The following PCCA variants were observed in gnomAD, a reference collection of about 807,000 sequenced individuals.
PCCA encodes propionyl-CoA carboxylase subunit alpha.
Under a neutral mutation model 101.3 loss-of-function variants are expected in PCCA, and 74 were observed. That is an observed-to-expected ratio of 0.73 (90% CI 0.61 to 0.89). PCCA has a LOEUF of 0.89. PCCA is among the 40% of genes least tolerant of loss of function. The pLI is 0.00. For synonymous variants in PCCA, 294 were observed against 313.6 expected (o/e 0.94, Z 0.66); for missense variants, 891 against 907.0 (o/e 0.98, Z 0.23).
intron 8 of PCCA, among the ~76,000 whole-genome samples, chr13:100,241,001 T>C (rs2061095901): frequency 6.6e-6 from 1 of 152,184 alleles, no homozygotes; most frequent in Non-Finnish European, 1.5e-5. Flanking sequence ...ATTTCCCTCA[T>C]GATCCTTCCA....
chr13:100,355,202 A>G (rs2073844901), intron 18 of PCCA, among the ~76,000 whole-genome samples: 1 of 152,160 alleles, frequency 6.6e-6, no homozygotes. Flanking sequence ...ATAAGAGAAA[A>G]AAACCACAGG....
intron 22 of PCCA, among the ~76,000 whole-genome samples, chr13:100,520,606 G>C (rs1302941347): frequency 1.6e-5 from 2 of 123,364 alleles, no homozygotes; most frequent in Admixed American, 1.1e-4. Flanking sequence ...CAGCACTCCA[G>C]CCTGGGCGAC....
At chr13:100,288,850 CACTT>C (rs1172469559) in intron 12 of PCCA, among the ~76,000 whole-genome samples, 1 of 151,620 alleles carries the variant, frequency 6.6e-6, no homozygotes, top group Non-Finnish European at 1.5e-5. Flanking sequence ...GTGTCTGTCT[CACTT>C]TCTTTTCCTC....
chr13:100,529,975 T>G, intron 23 of PCCA, 123 bp from the exon 24 acceptor site: 2 of 784,240 alleles, frequency 2.6e-6, no homozygotes, highest in Non-Finnish European at 2.2e-6. Context: ...TGGGGTGGCT[T>G]GTCCCTGTGC....
chr13:100,402,202 A>G (rs1195176574), intron 19 of PCCA, among the ~76,000 whole-genome samples: 1 of 152,092 alleles, frequency 6.6e-6, no homozygotes, highest in African/African-American at 2.4e-5. Flanking sequence ...TTGACTTAAA[A>G]GTTGCTTTAT....
intron 4 of PCCA, among the ~76,000 whole-genome samples, chr13:100,138,899 C>G (rs139575692): frequency 1.4e-3 from 189 of 137,432 alleles, no homozygotes; most frequent in African/African-American, 5.1e-3. Context: ...CACACCACTG[C>G]ACTCCAGCCT....
chr13:100,464,999 C>T (rs1329604348), intron 21 of PCCA, among the ~76,000 whole-genome samples: 1 of 152,132 alleles, frequency 6.6e-6, no homozygotes, highest in African/African-American at 2.4e-5. Context: ...TCTCTTGTAC[C>T]TATGAATTAT....
At chr13:100,328,376 TA>T (rs1374702347) in intron 16 of PCCA, among the ~76,000 whole-genome samples, 13 of 14,994 alleles carry the variant, frequency 8.7e-4, no homozygotes, top group Non-Finnish European at 2.0e-3. Flanking sequence ...AAATATATAA[TA>T]ATAATAATAA....
In PCCA at chr13:100,161,731, T is replaced by C. The variant is rs146692632; in HGVS notation, c.468+4391T>C. 310 of 152,304 alleles carry C rather than the reference T, an allele frequency of 2.0e-3. 2 individuals carry two copies. Among genetic ancestry groups the C allele is most frequent in the African/African-American group, 7.1e-3 (295 of 41,574 alleles). 9.4% of individuals were successfully genotyped at this position (152,304 alleles called of 1,614,324 possible). ...CAAGCCCAGGGTTGTTTATAACTCT[T>C]ATTTTCACTATATGGGCTATAATCT... is the stretch of plus-strand genomic sequence containing the variant. On this transcript the variant is annotated intron_variant, in intron 6 of 23. Coordinates refer to ENST00000376285, the MANE Select transcript of PCCA (RefSeq NM_000282.4).
chr13:100,499,913 T>G (rs1352276756), intron 21 of PCCA, among the ~76,000 whole-genome samples: 1 of 149,808 alleles, frequency 6.7e-6, no homozygotes, highest in Non-Finnish European at 1.5e-5. Context: ...TGGCCACAGT[T>G]TTGAAGGAAA....
At chr13:100,492,102 G>T (rs2084947686) in intron 21 of PCCA, among the ~76,000 whole-genome samples, 1 of 152,210 alleles carries the variant, frequency 6.6e-6, no homozygotes, top group Non-Finnish European at 1.5e-5. Context: ...GCCCCACAGG[G>T]GCTGCTTAGA....
intron 19 of PCCA, among the ~76,000 whole-genome samples, chr13:100,421,583 T>A (rs1363272309): frequency 6.6e-6 from 1 of 152,216 alleles, no homozygotes. Context: ...TTTCCTTTTT[T>A]TTTTAGTACT....
At chr13:100,514,555 A>G (rs947655482) in intron 21 of PCCA, among the ~76,000 whole-genome samples, 57 of 152,010 alleles carry the variant, frequency 3.7e-4, no homozygotes, top group Non-Finnish European at 5.0e-4. Context: ...TCCTCAAACC[A>G]TTTTATCTTT....
intron 7 of PCCA, among the ~76,000 whole-genome samples, chr13:100,223,697 G>C (rs959754558): frequency 5.9e-5 from 9 of 152,120 alleles, no homozygotes; most frequent in Non-Finnish European, 1.5e-5. Context: ...CCCACATCCT[G>C]CTGATTGGTA....
intron 19 of PCCA, among the ~76,000 whole-genome samples, chr13:100,403,324 G>A (rs375569938): frequency 6.6e-6 from 1 of 152,286 alleles, no homozygotes; most frequent in Non-Finnish European, 1.5e-5. Flanking sequence ...GTGTTAGGCC[G>A]TTTCTCACAC....
Position 100,112,034 on chromosome 13 carries a change from C to T in PCCA, c.273C>T (p.Ala91=), listed in dbSNP as rs2152279075. The change falls in exon 4 of 24, where the codon GCC becomes GCT. Residue 91 remains alanine (A), a synonymous_variant. Transcript: ENST00000376285. The stretch of plus-strand genomic sequence containing the variant: ...AGAAGATGGGCATTAAGACAGTTGC[C>T]ATCCACAGTGATGTTGATGCTAGTT... ...TCKKMGIKTV[A]IHSDVDASSV... is the part of the protein sequence containing the mutation. 3 of 1,610,846 alleles carry T rather than the reference C, an allele frequency of 1.9e-6. No individual in the cohort carries two copies. The highest frequency in any genetic ancestry group is 2.2e-5 in the South Asian group (2 of 90,934).
intron 21 of PCCA, among the ~76,000 whole-genome samples, chr13:100,476,190 C>A (rs887257818): frequency 6.6e-6 from 1 of 152,174 alleles, no homozygotes; most frequent in South Asian, 2.1e-4. Context: ...AAAATTAATG[C>A]TGTTTGTGTA....
In PCCA at chr13:100,324,581, T is replaced by C. The variant is rs1402363244; in HGVS notation, c.1430-5980T>C. Among the ~76,000 whole-genome samples, 6 of 152,224 alleles carry C rather than the reference T, an allele frequency of 3.9e-5. No homozygotes were observed. In the East Asian group the frequency reaches 7.7e-4, roughly 20 times the overall value. ...TTATAAAATTTACACAAATCTATTA[T>C]AAAAGTTAACATTTATCAAAACTTA... On this transcript the variant is annotated intron_variant, in intron 16 of 23. Transcript: ENST00000376285.
chr13:100,416,681 C>T (rs767717218), intron 19 of PCCA, among the ~76,000 whole-genome samples: 18 of 151,806 alleles, frequency 1.2e-4, no homozygotes, highest in East Asian at 3.9e-4. Flanking sequence ...CTCGCCACCA[C>T]GCCCAACTAA....
Sources: allele counts gnomAD v4.1 joint callset (sites outside exome capture counted in the v4.1 genomes callset), GRCh38; gene constraint gnomAD v4.1.1; transcripts MANE v1.5; gene names NCBI Gene and HGNC (gene_info 2026-07-23, HGNC 2026-07-21).